The following RADIL variants were observed in gnomAD, a reference collection of about 807,000 sequenced individuals.
RADIL encodes ras-associating and dilute domain-containing protein.
In RADIL, 99 loss-of-function variants were observed where a neutral mutation model predicts 97.6. That is an observed-to-expected ratio of 1.01 (90% CI 0.86 to 1.20). The LOEUF (loss-of-function observed/expected upper bound fraction) is 1.20, where lower values mean the gene tolerates loss of function less well. RADIL is among the 50% of genes most tolerant of loss of function. The pLI is 0.00. For missense variants in RADIL, 1,765 were observed against 1,498.9 expected (o/e 1.18, Z -2.93); for synonymous variants, 803 against 691.8 (o/e 1.16, Z -2.52).
chr7:4,809,790 C>G (rs1308370290), intron 9 of RADIL, among the ~76,000 whole-genome samples: 1 of 152,018 alleles, frequency 6.6e-6, no homozygotes, highest in African/African-American at 2.4e-5. Flanking sequence ...TCAAGTGATT[C>G]ATACGTCTCA....
At position 4,835,209 on chromosome 7, in the gene RADIL, G is replaced by A. The variant is rs779249892; in HGVS notation, c.814C>T (p.Arg272Trp). ...DSLVYVLNRD[R>W]HTVGQRTPSS... ...GGGGTCCGCTGGCCCACCGTGTGCC[G>A]GTCCCGGTTGAGCACATACACCAGG... Residue 272 changes from arginine to tryptophan, a missense_variant, in exon 4 of 15, where the codon CGG (arginine) becomes TGG (tryptophan). Physicochemically the swap from Arg to Trp is moderately radical, Grantham distance 101. Transcript: ENST00000399583. The surrounding 1 kb of genome is among the most constrained non-coding windows in gnomAD (Gnocchi z 5.8). The A allele has an allele frequency of 8.1e-6, 13 of 1,611,320 alleles. No homozygotes were observed. The highest frequency in any genetic ancestry group is 1.3e-5 in the African/African-American group (1 of 75,036).
In RADIL at chr7:4,849,894, C is replaced by A. The variant is rs1783666264; in HGVS notation, c.536-13289G>T. Among the ~76,000 whole-genome samples, 1 of 152,002 alleles carries A rather than the reference C, an allele frequency of 6.6e-6. No individual in the cohort carries two copies. The highest frequency in any genetic ancestry group is 2.1e-4 in the South Asian group (1 of 4,826). Reference sequence around the variant, plus strand: ...CCTAGGTAATAAGAAAGTATTATGTCCTAGTTTAATTGTATTTTTTATGGT... The same window carrying A: ...CCTAGGTAATAAGAAAGTATTATGTACTAGTTTAATTGTATTTTTTATGGT... On this transcript the variant is annotated intron_variant, in intron 2 of 14. Transcript: ENST00000399583. The surrounding 1 kb of genome is among the most constrained non-coding windows in gnomAD (Gnocchi z 5.4).
chr7:4,866,158 G>A (rs752062944), intron 2 of RADIL, among the ~76,000 whole-genome samples: 1 of 152,146 alleles, frequency 6.6e-6, no homozygotes, highest in Non-Finnish European at 1.5e-5. Flanking sequence ...ATGTATGTGT[G>A]TTTTAAGAGA....
chr7:4,820,950 C>T (rs960990372), intron 6 of RADIL, among the ~76,000 whole-genome samples: 2 of 152,198 alleles, frequency 1.3e-5, no homozygotes, highest in South Asian at 2.1e-4. Context: ...AGGGTCCCAG[C>T]GCCCCCAACA....
In RADIL at chr7:4,878,448, G is replaced by C. The variant is rs1784418616; in HGVS notation, c.-64-245C>G. Among the ~76,000 whole-genome samples the C allele has an allele frequency of 1.3e-5, 2 of 152,226 alleles. No homozygotes were observed. Reference sequence around the variant, plus strand: ...CCCACTGCTCTGAAGGCTGAGGCTGGAGGATGGCTTGAGCCCAGGAGTTCA... The same window carrying C: ...CCCACTGCTCTGAAGGCTGAGGCTGCAGGATGGCTTGAGCCCAGGAGTTCA... On this transcript the variant is annotated intron_variant, in intron 1 of 14. Transcript: ENST00000399583. This position sits in a 1 kb window ranked among gnomAD's most constrained non-coding sequence, Gnocchi z 4.1.
In RADIL at chr7:4,842,343, C is replaced by T. The variant is rs188230572; in HGVS notation, c.536-5738G>A. Among the ~76,000 whole-genome samples the T allele has an allele frequency of 3.3e-5, 5 of 152,310 alleles. No individual in the cohort carries two copies. Among genetic ancestry groups the T allele is most frequent in the Admixed American group, 2.6e-4 (4 of 15,298 alleles). On this transcript the variant is annotated intron_variant, in intron 2 of 14. Transcript: ENST00000399583. This position sits in a 1 kb window ranked among gnomAD's most constrained non-coding sequence, Gnocchi z 4.5. ...CCTTCCTCCCCAGCCTGGGCCAAGC[C>T]GAGCTGCTGAGCACATCCTCATCTC...
At chr7:4,856,150 C>T (rs1230439709) in intron 2 of RADIL, among the ~76,000 whole-genome samples, 10 of 150,206 alleles carry the variant, frequency 6.7e-5, no homozygotes, top group African/African-American at 1.5e-4. Flanking sequence ...CAGGCTGGAG[C>T]GCAGTGGCTT....
chr7:4,831,101 G>C (rs1783126983), intron 5 of RADIL, among the ~76,000 whole-genome samples: 1 of 151,190 alleles, frequency 6.6e-6, no homozygotes, highest in South Asian at 2.1e-4. Flanking sequence ...TGAGGCAGGA[G>C]AATCGCTCGA....
chr7:4,882,512 C>A (rs1325296850), intron 1 of RADIL, among the ~76,000 whole-genome samples: 1 of 152,130 alleles, frequency 6.6e-6, no homozygotes, highest in African/African-American at 2.4e-5. Context: ...GCTCAAGTCC[C>A]AGCGGCGAGT....
rs918147568 is a variant in RADIL at position 4,838,077 on chromosome 7, G to A, written c.536-1472C>T. The A allele has an allele frequency of 7.1e-6, 7 of 984,702 alleles. No individual in the cohort carries two copies. The African/African-American group carries it at 1.2e-4, about 17-fold the overall frequency. 61.0% of individuals were successfully genotyped at this position (984,702 alleles called of 1,614,324 possible). On this transcript the variant is annotated intron_variant, in intron 2 of 14. Coordinates refer to ENST00000399583, the MANE Select transcript of RADIL (RefSeq NM_018059.5). Reference sequence around the variant, plus strand: ...GCATCTGCAGCCCGCAGGGGGCCAGGGCGTGAGGGAGGCCGCCCAGCCGCA... The same window carrying A: ...GCATCTGCAGCCCGCAGGGGGCCAGAGCGTGAGGGAGGCCGCCCAGCCGCA...
At position 4,824,166 on chromosome 7, in the gene RADIL, G is replaced by C. The variant is rs924862560; in HGVS notation, c.1455-1612C>G. Reference sequence around the variant, plus strand: ...GGGCGGCCCTGCTGCCTGCCCCATGGCTGGCCCGGGTACCCCTTGTCACCT... The same window carrying C: ...GGGCGGCCCTGCTGCCTGCCCCATGCCTGGCCCGGGTACCCCTTGTCACCT... On this transcript the variant is annotated intron_variant, in intron 5 of 14. Coordinates refer to ENST00000399583, the MANE Select transcript of RADIL (RefSeq NM_018059.5). This position sits in a 1 kb window ranked among gnomAD's most constrained non-coding sequence, Gnocchi z 6.7. Among the ~76,000 whole-genome samples, 3 of 152,348 alleles carry C rather than the reference G, an allele frequency of 2.0e-5. No homozygotes were observed. The highest frequency in any genetic ancestry group is 7.2e-5 in the African/African-American group (3 of 41,572).
chr7:4,825,448 C>T (rs954356063), intron 5 of RADIL, among the ~76,000 whole-genome samples: 28 of 152,074 alleles, frequency 1.8e-4, no homozygotes, highest in Admixed American at 1.3e-4. Context: ...CAGGGAATGG[C>T]GTGCCCCAAA....
chr7:4,801,683 G>A lies in RADIL; in HGVS notation c.2812C>T (p.Leu938Phe), dbSNP rs776489359. The change falls in exon 12 of 15, where the codon CTC becomes TTC. Residue 938 changes from leucine to phenylalanine, a missense_variant. Coordinates refer to ENST00000399583, the MANE Select transcript of RADIL (RefSeq NM_018059.5). ...KALPERQRNG[L>F]SGLRGAAPEG... is the part of the protein sequence containing the mutation. ...GGAGCTGCACCCCGGAGGCCGCTGA[G>A]TCCGTTCCTCTGCCTCTCTGGGAGC... 3 of 1,606,918 alleles carry A rather than the reference G, an allele frequency of 1.9e-6. No homozygotes were observed. Among genetic ancestry groups the A allele is most frequent in the South Asian group, 2.2e-5 (2 of 90,110 alleles).
chr7:4,809,331 G>C, intron 9 of RADIL: 2 of 985,358 alleles, frequency 2.0e-6, no homozygotes, highest in Non-Finnish European at 2.4e-6. Context: ...CTAGCCAGGA[G>C]AAGTCCTGTT....
intron 9 of RADIL, chr7:4,809,057 C>G: frequency 1.0e-6 from 1 of 971,196 alleles, no homozygotes; most frequent in Non-Finnish European, 1.2e-6. Context: ...CCCCCCGTTC[C>G]AATGCCACTG....
At position 4,853,529 on chromosome 7, in the gene RADIL, G is replaced by A. The variant is rs955717630; in HGVS notation, c.536-16924C>T. On this transcript the variant is annotated intron_variant, in intron 2 of 14. Transcript: ENST00000399583. ...AGGCCAGGGCGGGCAGATGACCTGA[G>A]GTCAGGAGTTTGAGACCAGCCTGAC... Among the ~76,000 whole-genome samples the A allele has an allele frequency of 1.2e-4, 18 of 152,170 alleles. No homozygotes were observed. The South Asian group carries it at 3.5e-3, about 30-fold the overall frequency.
chr7:4,849,493 C>T lies in RADIL; in HGVS notation c.536-12888G>A, dbSNP rs1783657426. Among the ~76,000 whole-genome samples the T allele has an allele frequency of 6.6e-6, 1 of 152,160 alleles. No individual in the cohort carries two copies. On this transcript the variant is annotated intron_variant, in intron 2 of 14. Transcript: ENST00000399583. This position sits in a 1 kb window ranked among gnomAD's most constrained non-coding sequence, Gnocchi z 5.4. ...ATTCTGTGGAATGTCGGCCAGGCTG[C>T]AGCTGTGAGGCTACAGCTTGGTTTT... is the stretch of plus-strand genomic sequence containing the variant.
Position 4,882,647 on chromosome 7 carries a change from T to A in RADIL, c.-65+949A>T, listed in dbSNP as rs537576342. Among the ~76,000 whole-genome samples, 22 of 152,246 alleles carry A rather than the reference T, an allele frequency of 1.4e-4. No individual in the cohort carries two copies. The South Asian group carries it at 1.9e-3, about 13-fold the overall frequency. On this transcript the variant is annotated intron_variant, in intron 1 of 14. Transcript: ENST00000399583. Reference sequence around the variant, plus strand: ...AAAACGAAGCGCAGACTTTACACACTCAGCTCTCTCCCCTCCTTCCATGAA... The same window carrying A: ...AAAACGAAGCGCAGACTTTACACACACAGCTCTCTCCCCTCCTTCCATGAA...
At chr7:4,801,111 A>G (rs1016307598) in intron 12 of RADIL, among the ~76,000 whole-genome samples, 1 of 151,678 alleles carries the variant, frequency 6.6e-6, no homozygotes, top group African/African-American at 2.4e-5. Flanking sequence ...TGCACACACA[A>G]TGCACACCAT....
Sources: gnomAD v4.1 joint callset for allele counts (sites outside exome capture counted in the v4.1 genomes callset) on GRCh38, gnomAD v4.1.1 for gene constraint, Gnocchi (gnomAD v3.1) non-coding constraint, MANE v1.5 for transcripts, NCBI Gene and HGNC (gene_info 2026-07-23, HGNC 2026-07-21) for gene names.